The following MCF2L2 variants were observed in gnomAD, a reference collection of about 807,000 sequenced individuals.
MCF2L2 encodes probable guanine nucleotide exchange factor MCF2L2.
Under a neutral mutation model 150.2 loss-of-function variants are expected in MCF2L2, and 102 were observed. The observed-to-expected ratio is 0.68, with a 90% CI of 0.58 to 0.80. MCF2L2 has a LOEUF of 0.80. Among genes scored for constraint, MCF2L2 ranks in the 30% least tolerant of loss-of-function variants. MCF2L2 has a pLI of 0.00. For missense variants in MCF2L2, 1,256 were observed against 1,372.8 expected, an observed-to-expected ratio of 0.91 and a Z score of 1.34; for synonymous variants, 465 against 491.3, an observed-to-expected ratio of 0.95 and a Z score of 0.71.
At chr3:183,304,564 C>T (rs1367113408) in intron 10 of MCF2L2, among the ~76,000 whole-genome samples, 4 of 145,488 alleles carry the variant, frequency 2.7e-5, no homozygotes, top group Non-Finnish European at 5.9e-5. Context: ...CTCCGGGGTT[C>T]AAGCGATTCT....
At chr3:183,279,516 C>A (rs768921991) in intron 14 of MCF2L2, among the ~76,000 whole-genome samples, 1 of 152,192 alleles carries the variant, frequency 6.6e-6, no homozygotes, top group Non-Finnish European at 1.5e-5. Context: ...GACACTGCAT[C>A]CTTTTTCCCT....
At position 183,407,201 on chromosome 3, in the gene MCF2L2, C is replaced by T. The variant is rs1715086806; in HGVS notation, c.77-17422G>A. ...ATGATACTATTCTGGAATATCTCCT[C>T]TGCTCCATTGATCTATATGTCTATC... On this transcript the variant is annotated intron_variant, in intron 1 of 29. Coordinates refer to ENST00000328913, the MANE Select transcript of MCF2L2 (RefSeq NM_015078.4). 2.6e-5 allele frequency among the ~76,000 whole-genome samples: 4 copies of T among 152,218 alleles called. 1 individual carries two copies. In the South Asian group the frequency reaches 8.3e-4, roughly 32 times the overall value.
At chr3:183,321,479 T>C (rs561155147) in intron 6 of MCF2L2, among the ~76,000 whole-genome samples, 15 of 147,788 alleles carry the variant, frequency 1.0e-4, no homozygotes, top group Non-Finnish European at 1.8e-4. Context: ...AAACCAAATA[T>C]AATAGTAATA....
chr3:183,393,087 G>A (rs932439070), intron 1 of MCF2L2, among the ~76,000 whole-genome samples: 1 of 152,166 alleles, frequency 6.6e-6, no homozygotes, highest in Non-Finnish European at 1.5e-5. Context: ...GACCCACCAA[G>A]GCGCTGGTGC....
At chr3:183,274,924 C>T (rs544314944) in intron 15 of MCF2L2, among the ~76,000 whole-genome samples, 22 of 152,114 alleles carry the variant, frequency 1.4e-4, no homozygotes, top group South Asian at 6.2e-4. Context: ...TGGTTTTCAA[C>T]GCCCTACGTA....
At chr3:183,419,723 A>C (rs2108631673) in intron 1 of MCF2L2, among the ~76,000 whole-genome samples, 1 of 152,300 alleles carries the variant, frequency 6.6e-6, no homozygotes, top group African/African-American at 2.4e-5. Context: ...AATTACAAAA[A>C]TTAGCCAGCC....
chr3:183,272,466 A>AATG (rs1310066577), intron 15 of MCF2L2: 2 of 999,584 alleles, frequency 2.0e-6, no homozygotes, highest in African/African-American at 3.5e-5. Flanking sequence ...TACACAACTG[A>AATG]ATGATGATAC....
At chr3:183,327,013 CAG>C (rs995119317) in intron 5 of MCF2L2, among the ~76,000 whole-genome samples, 25 of 152,180 alleles carry the variant, frequency 1.6e-4, no homozygotes, top group African/African-American at 5.5e-4. Context: ...AGAATCAAAA[CAG>C]AGTCACTAGT....
At chr3:183,203,172 C>T (rs1279308826) in intron 25 of MCF2L2, among the ~76,000 whole-genome samples, 1 of 151,886 alleles carries the variant, frequency 6.6e-6, no homozygotes, top group Non-Finnish European at 1.5e-5. Context: ...GAGATCATGC[C>T]ATTGCACTCC....
chr3:183,428,113 G>T lies in MCF2L2; in HGVS notation c.-136C>A. 1 of 692,202 alleles carries T rather than the reference G, an allele frequency of 1.4e-6. No individual in the cohort carries two copies. The highest frequency in any genetic ancestry group is 1.7e-5 in the South Asian group (1 of 59,774). 42.9% of individuals were successfully genotyped at this position (692,202 alleles called of 1,614,324 possible). On this transcript the variant is annotated 5_prime_UTR_variant, in exon 1 of 30. Transcript: ENST00000328913. This position sits in a 1 kb window ranked among gnomAD's most constrained non-coding sequence, Gnocchi z 5.1. ...CTTCCTGGCTCTCCAGGCAAGAAACGAGAGTCCCTCGCAGCCTAGGCCAGC... is the reference window on the plus strand; with the variant it reads ...CTTCCTGGCTCTCCAGGCAAGAAACTAGAGTCCCTCGCAGCCTAGGCCAGC...
chr3:183,261,321 C>T (rs1004370821), intron 15 of MCF2L2, among the ~76,000 whole-genome samples: 3 of 151,930 alleles, frequency 2.0e-5, no homozygotes, highest in African/African-American at 4.8e-5. Context: ...AAACAGATGA[C>T]GAGAAGAAGC....
At chr3:183,278,030 C>A (rs1727259042) in intron 14 of MCF2L2, among the ~76,000 whole-genome samples, 1 of 150,010 alleles carries the variant, frequency 6.7e-6, no homozygotes, top group African/African-American at 2.4e-5. Flanking sequence ...ACTAAAAATA[C>A]AAAAATTAGC....
At chr3:183,350,903 CAAA>C (rs553499577) in intron 3 of MCF2L2, among the ~76,000 whole-genome samples, 3 of 105,866 alleles carry the variant, frequency 2.8e-5, no homozygotes, top group Non-Finnish European at 2.0e-5. Context: ...GACTCCGTCT[CAAA>C]AAAAAAAAAA....
chr3:183,318,304 T>C (rs1462947233), intron 6 of MCF2L2, 87 bp from the exon 7 acceptor site: 2 of 1,444,778 alleles, frequency 1.4e-6, no homozygotes, highest in Non-Finnish European at 1.9e-6. Flanking sequence ...ATTTAGTTGA[T>C]AAAATTAGTG....
At chr3:183,322,352 C>T in intron 6 of MCF2L2, among the ~76,000 whole-genome samples, 1 of 152,186 alleles carries the variant, frequency 6.6e-6, no homozygotes, top group East Asian at 1.9e-4. Context: ...TGGCTATTCA[C>T]ACTTTGGGCC....
chr3:183,306,421 G>T (rs1186600344), intron 10 of MCF2L2, among the ~76,000 whole-genome samples: 2 of 152,222 alleles, frequency 1.3e-5, no homozygotes, highest in African/African-American at 4.8e-5. Context: ...ATTCCAGAAG[G>T]CTGGATCGTC....
chr3:183,207,807 A>G lies in MCF2L2; in HGVS notation c.2513T>C (p.Leu838Pro). The G allele has an allele frequency of 6.2e-7, 1 of 1,614,074 alleles. No individual in the cohort carries two copies. Among genetic ancestry groups the G allele is most frequent in the Non-Finnish European group, 8.5e-7 (1 of 1,179,916 alleles). ...AGGGCCGTGCAGCAACAGCTTGCCT[A>G]GTTTTCCAATATCGTCCTTTTGGAA... is the stretch of plus-strand genomic sequence containing the variant. ...VTECPDDIGK[L>P]GKLLLHGPFS... The change falls in exon 23 of 30, where the codon CTA becomes CCA. Residue 838 changes from leucine (L) to proline (P), a missense_variant. Transcript: ENST00000328913.
chr3:183,333,907 G>C (rs1270616331), intron 5 of MCF2L2, among the ~76,000 whole-genome samples: 3 of 149,698 alleles, frequency 2.0e-5, no homozygotes, highest in South Asian at 4.2e-4. Flanking sequence ...CTGGATCAGA[G>C]CATGCCTGAG....
chr3:183,269,718 A>G (rs1577004140), intron 15 of MCF2L2: 1 of 1,301,214 alleles, frequency 7.7e-7, no homozygotes, highest in East Asian at 2.3e-5. Context: ...CACCTACTCT[A>G]CGAAACACGA....
Sources: gnomAD v4.1 joint callset for allele counts (sites outside exome capture counted in the v4.1 genomes callset) on GRCh38, gnomAD v4.1.1 for gene constraint, Gnocchi (gnomAD v3.1) non-coding constraint, MANE v1.5 for transcripts, NCBI Gene and HGNC (gene_info 2026-07-23, HGNC 2026-07-21) for gene names.